Variants in FHIP2A observed in about 807,000 individuals in gnomAD.
The protein encoded by FHIP2A is FHF complex subunit HOOK interacting protein 2A.
In FHIP2A, 46 loss-of-function variants were observed where a neutral mutation model predicts 93.5. The observed-to-expected ratio is 0.49, with a 90% confidence interval of 0.39 to 0.63. The LOEUF (loss-of-function observed/expected upper bound fraction) is 0.63, where lower values mean the gene tolerates loss of function less well. Among genes scored for constraint, FHIP2A ranks in the 20% least tolerant of loss-of-function variants. The probability of loss-of-function intolerance (pLI) is 0.00; values close to 1 mark genes in which losing one functional copy is unlikely to be tolerated. For synonymous variants in FHIP2A, 332 were observed against 326.5 expected, an observed-to-expected ratio of 1.02 and a Z score of -0.18; for missense variants, 769 against 909.7, an observed-to-expected ratio of 0.85 and a Z score of 1.99.
intron 13 of FHIP2A, among the ~76,000 whole-genome samples, 177 bp from the exon 14 acceptor site, chr10:114,855,020 T>G (rs1424847883): frequency 6.6e-6 from 1 of 152,222 alleles, no homozygotes; most frequent in Non-Finnish European, 1.5e-5. Context: ...TAATCTTACC[T>G]GTGCCCCTAG....
intron 11 of FHIP2A, 114 bp downstream of exon 11, chr10:114,846,842 T>C (rs1377068405): frequency 9.7e-7 from 1 of 1,035,506 alleles, no homozygotes; most frequent in Non-Finnish European, 1.4e-6. Context: ...AGTTTAAAAG[T>C]TCTTAAAAGT....
At chr10:114,852,429 G>A (rs933527999) in intron 13 of FHIP2A, among the ~76,000 whole-genome samples, 5 of 152,140 alleles carry the variant, frequency 3.3e-5, no homozygotes, top group Non-Finnish European at 7.3e-5. Context: ...GTTTCCTGCT[G>A]TGGTCAGTGG....
intron 1 of FHIP2A, among the ~76,000 whole-genome samples, chr10:114,824,220 A>T (rs1358541240): frequency 1.3e-5 from 2 of 152,220 alleles, no homozygotes; most frequent in East Asian, 3.9e-4. Flanking sequence ...TCCTTTACCC[A>T]TCAGGCTAGT....
rs1592026462 is a variant in FHIP2A at position 114,861,789 on chromosome 10, A to G, written c.*249A>G. 1 of 1,130,910 alleles carries G rather than the reference A, an allele frequency of 8.8e-7. No homozygotes were observed. The highest frequency in any genetic ancestry group is 5.3e-5 in the East Asian group (1 of 18,998). The allele number at this position is 1,130,910 out of a possible 1,614,324, so 70.1% of individuals were successfully genotyped here. A position where few individuals can be genotyped will look rare whatever the true frequency, so the allele number is the denominator to read the frequency against. On this transcript the variant is annotated 3_prime_UTR_variant, in exon 17 of 17. Coordinates refer to ENST00000369248, the MANE Select transcript of FHIP2A (RefSeq NM_020940.4). Reference sequence around the variant, plus strand: ...ACATTGTTGAATCCAGGATACAATCAAAGGAACTTCAGGAAATAAGCATTT... The same window carrying G: ...ACATTGTTGAATCCAGGATACAATCGAAGGAACTTCAGGAAATAAGCATTT...
At chr10:114,888,222 C>T (rs2083952761) in intron 16 of FHIP2A, among the ~76,000 whole-genome samples, 1 of 152,168 alleles carries the variant, frequency 6.6e-6, no homozygotes, top group South Asian at 2.1e-4. Flanking sequence ...CTCAGCATTC[C>T]TTGTTGGTTT....
intron 14 of FHIP2A, among the ~76,000 whole-genome samples, chr10:114,859,541 C>A (rs956422080): frequency 2.0e-5 from 3 of 152,180 alleles, no homozygotes; most frequent in Non-Finnish European, 1.5e-5. Context: ...TTCTCTGCAG[C>A]CTCCTCACTG....
At position 114,844,750 on chromosome 10, in the gene FHIP2A, A is replaced by G. The variant is rs553878415; in HGVS notation, c.1014-617A>G. ...GGGCAGGAGTATGAGGAGCTATCCCAGTGTTTTTTCTCCTGCAGCTCCACT... is the reference window on the plus strand; with the variant it reads ...GGGCAGGAGTATGAGGAGCTATCCCGGTGTTTTTTCTCCTGCAGCTCCACT... On this transcript the variant is annotated intron_variant, in intron 7 of 16. Coordinates refer to ENST00000369248, the MANE Select transcript of FHIP2A (RefSeq NM_020940.4). Among the ~76,000 whole-genome samples the G allele has an allele frequency of 8.5e-5, 13 of 152,108 alleles. No homozygotes were observed. The East Asian group carries it at 2.5e-3, about 29-fold the overall frequency.
intron 16 of FHIP2A, among the ~76,000 whole-genome samples, chr10:114,874,595 C>T (rs1467042607): frequency 6.6e-6 from 1 of 152,262 alleles, no homozygotes; most frequent in East Asian, 1.9e-4. Flanking sequence ...CTCCGCCTCC[C>T]GGGTTCAAGC....
chr10:114,848,900 T>C lies in FHIP2A; in HGVS notation c.1803+163T>C, dbSNP rs144902009. ...TCTCACACCTGTAATCCCAGCACTT[T>C]GGGAGGCCGAAGCGGATGGATCACT... On this transcript the variant is annotated intron_variant, in intron 13 of 16. Transcript: ENST00000369248. Among the ~76,000 whole-genome samples the C allele has an allele frequency of 4.2e-3, 643 of 152,076 alleles. 4 individuals are homozygous for C. Among genetic ancestry groups the C allele is most frequent in the African/African-American group, 0.014 (601 of 41,502 alleles).
At chr10:114,893,795 A>G (rs1041882567) in intron 16 of FHIP2A, among the ~76,000 whole-genome samples, 1 of 152,182 alleles carries the variant, frequency 6.6e-6, no homozygotes, top group Non-Finnish European at 1.5e-5. Flanking sequence ...AATTTCATAC[A>G]TTCATTGAAA....
chr10:114,899,062 A>C (rs1397070523), intron 16 of FHIP2A, among the ~76,000 whole-genome samples: 2 of 152,250 alleles, frequency 1.3e-5, no homozygotes, highest in Non-Finnish European at 2.9e-5. Flanking sequence ...AGGATGGACA[A>C]CCACATGCTG....
At chr10:114,883,856 G>A (rs372883073) in intron 16 of FHIP2A, among the ~76,000 whole-genome samples, 1 of 152,040 alleles carries the variant, frequency 6.6e-6, no homozygotes, top group African/African-American at 2.4e-5. Context: ...CGGAGATTAC[G>A]GGTATGAGCC....
intron 16 of FHIP2A, among the ~76,000 whole-genome samples, chr10:114,878,713 G>A (rs1191939675): frequency 6.6e-6 from 1 of 150,462 alleles, no homozygotes; most frequent in Non-Finnish European, 1.5e-5. Context: ...CTGGGAGGCA[G>A]AGGTTGCAGT....
chr10:114,871,815 T>C (rs953844459), intron 16 of FHIP2A, among the ~76,000 whole-genome samples: 1 of 152,178 alleles, frequency 6.6e-6, no homozygotes. Context: ...CATGCCCCCA[T>C]GTAATTTTGC....
Position 114,862,358 on chromosome 10 carries a change from T to G in FHIP2A, c.*818T>G, listed in dbSNP as rs921086459. 6 of 987,350 alleles carry G rather than the reference T, an allele frequency of 6.1e-6. No individual in the cohort carries two copies. The highest frequency in any genetic ancestry group is 7.2e-6 in the Non-Finnish European group (6 of 829,998). The allele number at this position is 987,350 out of a possible 1,614,324, so 61.2% of individuals were successfully genotyped here. ...ACATGTACTGGGTTGAGAACCTTTTTCCCCCCTCTCCCTCTCAGAAAATTG... is the reference window on the plus strand; with the variant it reads ...ACATGTACTGGGTTGAGAACCTTTTGCCCCCCTCTCCCTCTCAGAAAATTG... On this transcript the variant is annotated 3_prime_UTR_variant, in exon 17 of 17. Transcript: ENST00000369248.
At chr10:114,878,492 G>A (rs2083900524) in intron 16 of FHIP2A, among the ~76,000 whole-genome samples, 2 of 152,282 alleles carry the variant, frequency 1.3e-5, no homozygotes, top group South Asian at 4.1e-4. Flanking sequence ...GAAAAGAGAA[G>A]CCTTGGCTGG....
Position 114,863,924 on chromosome 10 carries a change from T to C in FHIP2A, c.*2384T>C. On this transcript the variant is annotated 3_prime_UTR_variant, in exon 17 of 17. Transcript: ENST00000369248. Reference sequence around the variant, plus strand: ...TAAAACTTTCTAACAATATAGTCTTTGGATTTGTTTTTAGTTATGAGCCGC... The same window carrying C: ...TAAAACTTTCTAACAATATAGTCTTCGGATTTGTTTTTAGTTATGAGCCGC... The C allele has an allele frequency of 9.3e-7, 1 of 1,072,080 alleles. No individual in the cohort carries two copies. The highest frequency in any genetic ancestry group is 1.1e-6 in the Non-Finnish European group (1 of 881,086). The allele number at this position is 1,072,080 out of a possible 1,614,324, so 66.4% of individuals were successfully genotyped here. A position where few individuals can be genotyped will look rare whatever the true frequency, so the allele number is the denominator to read the frequency against.
At chr10:114,822,892 C>T (rs764223033) in intron 1 of FHIP2A, among the ~76,000 whole-genome samples, 48 of 152,192 alleles carry the variant, frequency 3.2e-4, no homozygotes, top group Non-Finnish European at 6.2e-4. Flanking sequence ...GGGTTTTAGA[C>T]ACCAGCATAG....
At chr10:114,896,254 A>G (rs1012734143) in intron 16 of FHIP2A, among the ~76,000 whole-genome samples, 3 of 152,072 alleles carry the variant, frequency 2.0e-5, no homozygotes, top group Non-Finnish European at 2.9e-5. Flanking sequence ...AAAAAGCAAC[A>G]TGACTGAGGA....
Sources: gnomAD v4.1 joint callset for allele counts (sites outside exome capture counted in the v4.1 genomes callset) on GRCh38, gnomAD v4.1.1 for gene constraint, MANE v1.5 for transcripts, NCBI Gene and HGNC (gene_info 2026-07-23, HGNC 2026-07-21) for gene names.